CBFB: variants seen among roughly 807,000 people sequenced by gnomAD.
CBFB encodes the protein core-binding factor subunit beta.
CBFB carries 9 observed loss-of-function variants against 30.4 expected under a neutral mutation model. The ratio of observed to expected loss-of-function variants is 0.30; its 90% CI spans 0.18 to 0.52. The LOEUF (loss-of-function observed/expected upper bound fraction) is 0.52, where lower values mean the gene tolerates loss of function less well. Among genes scored for constraint, CBFB ranks in the 20% least tolerant of loss-of-function variants. CBFB has a pLI of 0.97. For synonymous variants in CBFB, 94 were observed against 84.0 expected (o/e 1.12, Z -0.65); for missense variants, 170 against 244.0 (o/e 0.70, Z 2.02).
At position 67,038,372 on chromosome 16, in the gene CBFB, G is replaced by A. The variant is rs190650568; in HGVS notation, c.282+1617G>A. Among the ~76,000 whole-genome samples, 854 of 151,580 alleles carry A rather than the reference G, an allele frequency of 5.6e-3. 3 individuals are homozygous for A. Among genetic ancestry groups the A allele is most frequent in the African/African-American group, 0.019 (798 of 41,328 alleles). On this transcript the variant is annotated intron_variant, in intron 3 of 5. Transcript: ENST00000412916. ...TATGTGTGTGTATATACGTATATGT[G>A]TGTATGTATATACATATATATGTAT... is the stretch of plus-strand genomic sequence containing the variant.
At chr16:67,035,192 T>G (rs1021806634) in intron 2 of CBFB, among the ~76,000 whole-genome samples, 4 of 152,154 alleles carry the variant, frequency 2.6e-5, no homozygotes, top group African/African-American at 9.7e-5. Flanking sequence ...CAAGTGATTC[T>G]CCTGCCTCAT....
At chr16:67,057,306 G>T (rs1960759022) in intron 3 of CBFB, among the ~76,000 whole-genome samples, 1 of 152,192 alleles carries the variant, frequency 6.6e-6, no homozygotes, top group African/African-American at 2.4e-5. Flanking sequence ...TTAAAGGTCA[G>T]TGTTCAATTT....
chr16:67,070,870 A>G (rs1299722909), intron 4 of CBFB, among the ~76,000 whole-genome samples: 1 of 152,178 alleles, frequency 6.6e-6, no homozygotes, highest in Non-Finnish European at 1.5e-5. Context: ...ACAAACAACA[A>G]AAACTAAAGT....
Position 67,029,188 on chromosome 16 carries a change from A to AGGCGGCGGCGGCGGCGGCGGC in CBFB, c.-215_-195dup, listed in dbSNP as rs557593884. On this transcript the variant is annotated 5_prime_UTR_variant, in exon 1 of 6. Coordinates refer to ENST00000412916, the MANE Select transcript of CBFB (RefSeq NM_022845.3). Reference sequence around the variant, plus strand: ...CTGCGCGGGCGGCAGGCAACGGCTGAGGCGGCGGCGGCGGCGGCGGCGGCG... The same window carrying AGGCGGCGGCGGCGGCGGCGGC: ...CTGCGCGGGCGGCAGGCAACGGCTGAGGCGGCGGCGGCGGCGGCGGCGGCGGCGGCGGCGGCGGCGGCGGCG... 1 of 191,530 alleles carries AGGCGGCGGCGGCGGCGGCGGC rather than the reference A, an allele frequency of 5.2e-6. No homozygotes were observed. The highest frequency in any genetic ancestry group is 2.5e-5 in the African/African-American group (1 of 39,770). The allele number at this position is 191,530 out of a possible 1,614,324, so 11.9% of individuals were successfully genotyped here.
intron 5 of CBFB, among the ~76,000 whole-genome samples, chr16:67,092,332 T>G (rs997458813): frequency 2.0e-5 from 3 of 152,190 alleles, no homozygotes; most frequent in Admixed American, 2.0e-4. Context: ...TCTCTCATGT[T>G]GAGACTTAAA....
intron 3 of CBFB, among the ~76,000 whole-genome samples, chr16:67,055,923 T>C (rs1960710238): frequency 6.6e-6 from 1 of 152,160 alleles, no homozygotes; most frequent in Non-Finnish European, 1.5e-5. Context: ...TTGAATAGAC[T>C]ACAGAAATGA....
intron 4 of CBFB, among the ~76,000 whole-genome samples, chr16:67,080,972 TCTGA>T (rs1298058524): frequency 6.6e-6 from 1 of 152,118 alleles, no homozygotes; most frequent in African/African-American, 2.4e-5. Flanking sequence ...TAAAAGTACC[TCTGA>T]CTTTTTTTTA....
intron 4 of CBFB, among the ~76,000 whole-genome samples, chr16:67,078,110 T>G (rs1961454457): frequency 1.3e-5 from 2 of 152,212 alleles, no homozygotes; most frequent in Admixed American, 1.3e-4. Context: ...CAGGTGCCCT[T>G]TATGCTGTCC....
chr16:67,030,077 C>G, intron 2 of CBFB: 1 of 415,378 alleles, frequency 2.4e-6, no homozygotes, highest in Non-Finnish European at 4.2e-6. Context: ...CCAGACTAAA[C>G]AAGCGAAGGG....
chr16:67,031,993 C>CA (rs1966359279), intron 2 of CBFB, among the ~76,000 whole-genome samples: 1 of 152,058 alleles, frequency 6.6e-6, no homozygotes, highest in Admixed American at 6.6e-5. Flanking sequence ...TACGCAGCCC[C>CA]ATGTGTTGTA....
rs758241763 is a variant in CBFB at position 67,066,780 on chromosome 16, T to G, written c.381T>G (p.Phe127Leu). The G allele has an allele frequency of 6.2e-7, 1 of 1,604,648 alleles. No individual in the cohort carries two copies. The highest frequency in any genetic ancestry group is 1.3e-5 in the African/African-American group (1 of 74,684). Residue 127 changes from phenylalanine (F) to leucine (L), a missense_variant, in exon 4 of 6, where the codon TTT becomes TTG. Transcript: ENST00000412916. Reference protein sequence around the residue: ...QRLDGMGCLEFDEERAQQEDA... With the variant: ...QRLDGMGCLELDEERAQQEDA... ...TGGATGGTATGGGCTGTCTGGAGTT[T>G]GATGAGGAGCGAGCCCAGGTAGGGT...
At chr16:67,040,598 A>T (rs1208746174) in intron 3 of CBFB, among the ~76,000 whole-genome samples, 2 of 152,220 alleles carry the variant, frequency 1.3e-5, no homozygotes, top group African/African-American at 4.8e-5. Context: ...ATTCATTCAG[A>T]AGGTCTTTGT....
In CBFB at chr16:67,057,073, C is replaced by T. The variant is rs1483311097; in HGVS notation, c.283-9609C>T. On this transcript the variant is annotated intron_variant, in intron 3 of 5. Coordinates refer to ENST00000412916, the MANE Select transcript of CBFB (RefSeq NM_022845.3). ...TCTTGGCTCACTGCAACCTTTGCCT[C>T]CTGGATTCAAGTGATTCTCCTTTCT... 2.0e-5 allele frequency among the ~76,000 whole-genome samples: 3 copies of T among 151,940 alleles called. No homozygotes were observed. The East Asian group carries it at 5.8e-4, about 29-fold the overall frequency.
intron 4 of CBFB, among the ~76,000 whole-genome samples, chr16:67,072,564 T>C (rs1191878187): frequency 2.6e-5 from 4 of 152,048 alleles, no homozygotes; most frequent in African/African-American, 4.8e-5. Context: ...CCTCCTGGGT[T>C]CAAGCGATTC....
chr16:67,050,215 TTATA>T (rs1400935830), intron 3 of CBFB, among the ~76,000 whole-genome samples: 4 of 147,818 alleles, frequency 2.7e-5, no homozygotes, highest in South Asian at 2.1e-4. Context: ...TATATATAAT[TTATA>T]TATCACATAT....
At chr16:67,061,319 T>C (rs922416739) in intron 3 of CBFB, among the ~76,000 whole-genome samples, 1 of 152,250 alleles carries the variant, frequency 6.6e-6, no homozygotes, top group Admixed American at 6.5e-5. Flanking sequence ...GTTAGCTGCA[T>C]CTGTTTACCC....
At chr16:67,072,305 A>G (rs920167512) in intron 4 of CBFB, among the ~76,000 whole-genome samples, 1 of 152,164 alleles carries the variant, frequency 6.6e-6, no homozygotes, top group African/African-American at 2.4e-5. Context: ...ACAGCAAAAT[A>G]AAAGTTATAT....
At chr16:67,058,291 C>T (rs915279130) in intron 3 of CBFB, among the ~76,000 whole-genome samples, 8 of 152,078 alleles carry the variant, frequency 5.3e-5, no homozygotes, top group African/African-American at 1.9e-4. Context: ...CAGTTGTGCG[C>T]CACCATGTCC....
At chr16:67,055,235 T>C (rs940957222) in intron 3 of CBFB, among the ~76,000 whole-genome samples, 1 of 152,064 alleles carries the variant, frequency 6.6e-6, no homozygotes, top group Non-Finnish European at 1.5e-5. Context: ...TTATGACTTT[T>C]TGGAGGGTCT....
Sources: gnomAD v4.1 joint callset for allele counts (sites outside exome capture counted in the v4.1 genomes callset) on GRCh38, gnomAD v4.1.1 for gene constraint, MANE v1.5 for transcripts, NCBI Gene and HGNC (gene_info 2026-07-23, HGNC 2026-07-21) for gene names.